NOP58: variants seen among roughly 807,000 people sequenced by gnomAD.
NOP58 encodes the protein nucleolar protein 58.
In NOP58, 44 loss-of-function variants were observed where a neutral mutation model predicts 71.2. The observed-to-expected ratio is 0.62, with a 90% CI of 0.49 to 0.79. The LOEUF (loss-of-function observed/expected upper bound fraction) is 0.79, where lower values mean the gene tolerates loss of function less well. Among genes scored for constraint, NOP58 ranks in the 30% least tolerant of loss-of-function variants. The pLI, the probability that NOP58 is intolerant of heterozygous loss-of-function variation, is 0.00. For synonymous variants in NOP58, 228 were observed against 200.3 expected (o/e 1.14, Z -1.17); for missense variants, 538 against 620.2 (o/e 0.87, Z 1.41).
chr2:202,274,296 C>T (rs1044700785), intron 1 of NOP58, among the ~76,000 whole-genome samples: 2 of 151,884 alleles, frequency 1.3e-5, no homozygotes, highest in Admixed American at 6.6e-5. Flanking sequence ...CGCGCAATCT[C>T]GGCTCACTGC....
intron 2 of NOP58, among the ~76,000 whole-genome samples, chr2:202,277,615 T>A (rs16838988): frequency 6.6e-6 from 1 of 152,094 alleles, no homozygotes; most frequent in African/African-American, 2.4e-5. Flanking sequence ...ACGTACGTTT[T>A]CTTGAGTCAA....
At chr2:202,269,489 C>G (rs1259099329) in intron 1 of NOP58, among the ~76,000 whole-genome samples, 1 of 151,948 alleles carries the variant, frequency 6.6e-6, no homozygotes, top group East Asian at 1.9e-4. Context: ...AAAACACTTC[C>G]AAAAAGTTAT....
intron 5 of NOP58, among the ~76,000 whole-genome samples, chr2:202,287,358 G>A (rs1490891857): frequency 6.6e-6 from 1 of 151,948 alleles, no homozygotes; most frequent in Non-Finnish European, 1.5e-5. Context: ...GAGCCACCAC[G>A]CCCAGTCCAA....
chr2:202,284,675 TTGAACCC>T (rs1688761232), intron 5 of NOP58, 194 bp downstream of exon 5: 1 of 538,848 alleles, frequency 1.9e-6, no homozygotes, highest in African/African-American at 1.9e-5. Flanking sequence ...AAGCCAGGAT[TTGAACCC>T]AGGCAGTCTG....
chr2:202,277,953 A>C lies in NOP58; in HGVS notation c.126A>C (p.Val42=). Residue 42 remains valine, a synonymous_variant, in exon 3 of 15, where the codon GTA becomes GTC. Coordinates refer to ENST00000264279, the MANE Select transcript of NOP58 (RefSeq NM_015934.5). ...TCTCTTTTTTTTTTAATTCTAGAGTAAAGCTAAAACATTTTGAGAAATTTC... is the reference window on the plus strand; with the variant it reads ...TCTCTTTTTTTTTTAATTCTAGAGTCAAGCTAAAACATTTTGAGAAATTTC... ...FETPEKANKI[V]KLKHFEKFQD... 6.7e-7 allele frequency: 1 copy of C among 1,486,304 alleles called. No individual in the cohort carries two copies. The highest frequency in any genetic ancestry group is 2.3e-5 in the East Asian group (1 of 44,272). The allele number at this position is 1,486,304 out of a possible 1,614,324, so 92.1% of individuals were successfully genotyped here.
chr2:202,303,204 A>G (rs1168968589), intron 14 of NOP58, 147 bp downstream of exon 14: 9 of 1,314,792 alleles, frequency 6.8e-6, no homozygotes, highest in South Asian at 1.5e-5. Flanking sequence ...TGTTGTATTT[A>G]TATTATAAAA....
intron 6 of NOP58, among the ~76,000 whole-genome samples, chr2:202,289,317 C>T (rs1028558796): frequency 2.6e-5 from 4 of 152,112 alleles, no homozygotes; most frequent in Non-Finnish European, 5.9e-5. Flanking sequence ...CTTGAATGTC[C>T]CTAATCTGAA....
chr2:202,279,534 A>G (rs1688665725), intron 3 of NOP58, among the ~76,000 whole-genome samples: 1 of 152,244 alleles, frequency 6.6e-6, no homozygotes, highest in South Asian at 2.1e-4. Flanking sequence ...GCGGTGGCTC[A>G]TGCCAGGAAT....
intron 2 of NOP58, among the ~76,000 whole-genome samples, chr2:202,277,067 G>C (rs1339686278): frequency 1.3e-5 from 2 of 152,208 alleles, no homozygotes; most frequent in Admixed American, 6.5e-5. Context: ...GCGGGCGGAT[G>C]ATGAGGTCAG....
intron 9 of NOP58, 77 bp from the exon 10 acceptor site, chr2:202,295,597 C>CTA (rs1251936853): frequency 1.0e-6 from 1 of 1,000,420 alleles, no homozygotes; most frequent in African/African-American, 1.6e-5. Flanking sequence ...TGTAATAATT[C>CTA]TATAGGTCTT....
At chr2:202,275,215 T>C in intron 2 of NOP58, 26 bp downstream of exon 2, 2 of 1,231,508 alleles carry the variant, frequency 1.6e-6, no homozygotes. Context: ...ATCAATAATT[T>C]AGCAGTTAAC....
chr2:202,271,574 TAAAA>T (rs951242249), intron 1 of NOP58, among the ~76,000 whole-genome samples: 4 of 137,830 alleles, frequency 2.9e-5, no homozygotes, highest in East Asian at 2.0e-4. Context: ...GTCTCAAAAA[TAAAA>T]AAAAAAAGAA....
chr2:202,275,426 AC>A (rs1302173266), intron 2 of NOP58: 2 of 408,888 alleles, frequency 4.9e-6, no homozygotes, highest in Non-Finnish European at 9.0e-6. Context: ...GTTCCAGAAG[AC>A]CCTGTGGATA....
intron 1 of NOP58, among the ~76,000 whole-genome samples, chr2:202,271,418 T>A (rs1688509314): frequency 6.7e-6 from 1 of 148,314 alleles, no homozygotes; most frequent in African/African-American, 2.5e-5. Context: ...AAAAAAAAAA[T>A]TAGCCAGGCA....
intron 5 of NOP58, among the ~76,000 whole-genome samples, chr2:202,284,994 A>T (rs1688765515): frequency 6.6e-6 from 1 of 152,084 alleles, no homozygotes. Context: ...TAGCCTGAGC[A>T]ACATAGCAAG....
chr2:202,280,314 C>T (rs905488151), intron 3 of NOP58, among the ~76,000 whole-genome samples: 4 of 152,134 alleles, frequency 2.6e-5, no homozygotes, highest in South Asian at 4.2e-4. Flanking sequence ...AGCAAGACCC[C>T]CTCTCAAAAA....
At chr2:202,302,174 G>A (rs960679292) in intron 13 of NOP58, among the ~76,000 whole-genome samples, 3 of 137,032 alleles carry the variant, frequency 2.2e-5, no homozygotes, top group African/African-American at 5.4e-5. Flanking sequence ...TGCAGCCTCC[G>A]CCTCCTGGGT....
Position 202,265,817 on chromosome 2 carries a change from A to G in NOP58, c.-125A>G. ...GCAGCGTGTTCTGATTCTTTGCGGG[A>G]CGGCGAGCGCATTTGTGCTTTGCCC... On this transcript the variant is annotated 5_prime_UTR_variant, in exon 1 of 15. Coordinates refer to ENST00000264279, the MANE Select transcript of NOP58 (RefSeq NM_015934.5). The G allele has an allele frequency of 1.0e-6, 1 of 966,530 alleles. No individual in the cohort carries two copies. Among genetic ancestry groups the G allele is most frequent in the Admixed American group, 1.9e-5 (1 of 52,550 alleles). The allele number at this position is 966,530 out of a possible 1,614,324, so 59.9% of individuals were successfully genotyped here. A position where few individuals can be genotyped will look rare whatever the true frequency, so the allele number is the denominator to read the frequency against.
intron 10 of NOP58, among the ~76,000 whole-genome samples, chr2:202,297,018 C>T (rs1689006011): frequency 6.6e-6 from 1 of 152,292 alleles, no homozygotes; most frequent in Admixed American, 6.5e-5. Context: ...CAGGCGTGAG[C>T]CACCGCGCTC....
Sources: gnomAD v4.1 joint callset for allele counts (sites outside exome capture counted in the v4.1 genomes callset) on GRCh38, gnomAD v4.1.1 for gene constraint, MANE v1.5 for transcripts, NCBI Gene and HGNC (gene_info 2026-07-23, HGNC 2026-07-21) for gene names.